NEGR1: variants seen among roughly 807,000 people sequenced by gnomAD.
The protein encoded by NEGR1 is neuronal growth regulator 1.
Under a neutral mutation model 40.9 loss-of-function variants are expected in NEGR1, and 10 were observed. That is an observed-to-expected ratio of 0.24 (90% CI 0.15 to 0.42). The LOEUF (loss-of-function observed/expected upper bound fraction) is 0.42. Ranked by LOEUF, NEGR1 falls within the 10% of genes least tolerant of loss-of-function variation. NEGR1 has a pLI of 1.00. For synonymous variants in NEGR1, 185 were observed against 166.8 expected, an observed-to-expected ratio of 1.11 and a Z score of -0.84; for missense variants, 352 against 438.9, an observed-to-expected ratio of 0.80 and a Z score of 1.77.
Position 71,403,329 on chromosome 1 carries a change from T to C in NEGR1, c.*4117A>G, listed in dbSNP as rs1007474326. 1.3e-5 allele frequency: 2 copies of C among 152,064 alleles called. No individual in the cohort carries two copies. The highest frequency in any genetic ancestry group is 3.8e-4 in the East Asian group (2 of 5,196). The allele number at this position is 152,064 out of a possible 1,614,324, so 9.4% of individuals were successfully genotyped here. On this transcript the variant is annotated 3_prime_UTR_variant, in exon 7 of 7. Transcript: ENST00000357731. ...GTTTTATACCCAGCTGTTAAGAAAT[T>C]ACACTCTGCCTGGCTCTTACAAGCG...
intron 6 of NEGR1, among the ~76,000 whole-genome samples, chr1:71,572,433 A>G (rs1648837482): frequency 6.6e-6 from 1 of 152,186 alleles, no homozygotes; most frequent in Admixed American, 6.5e-5. Flanking sequence ...ACACATACTT[A>G]TTTTCAGTAT....
intron 1 of NEGR1, among the ~76,000 whole-genome samples, chr1:72,116,907 A>G (rs1649602441): frequency 6.6e-6 from 1 of 151,736 alleles, no homozygotes; most frequent in African/African-American, 2.4e-5. Flanking sequence ...ATTAATTGAA[A>G]TGTTTTATTA....
intron 2 of NEGR1, among the ~76,000 whole-genome samples, chr1:71,929,343 A>C (rs1485693623): frequency 6.6e-6 from 1 of 152,194 alleles, no homozygotes; most frequent in Non-Finnish European, 1.5e-5. Context: ...CGGGTTATTA[A>C]GCCATTTTTA....
chr1:71,525,862 A>C (rs1466426376), intron 6 of NEGR1, among the ~76,000 whole-genome samples: 1 of 151,658 alleles, frequency 6.6e-6, no homozygotes, highest in Admixed American at 6.6e-5. Flanking sequence ...CAATCATTTG[A>C]TTTAACATAT....
intron 4 of NEGR1, among the ~76,000 whole-genome samples, chr1:71,621,135 T>TA: frequency 6.6e-6 from 1 of 152,032 alleles, no homozygotes; most frequent in South Asian, 2.1e-4. Flanking sequence ...AATGAATTTT[T>TA]AAAAATTCAT....
chr1:71,768,147 G>A (rs953918048), intron 3 of NEGR1, among the ~76,000 whole-genome samples: 1 of 152,116 alleles, frequency 6.6e-6, no homozygotes, highest in African/African-American at 2.4e-5. Context: ...GTCCCCACTG[G>A]GGCATTACTT....
intron 1 of NEGR1, among the ~76,000 whole-genome samples, chr1:72,063,780 G>T (rs191577153): frequency 1.1e-3 from 168 of 151,986 alleles, no homozygotes; most frequent in Non-Finnish European, 2.2e-3. Context: ...TTTTAATCAT[G>T]ACTATTAAGC....
rs1003463771 is a variant in NEGR1 at position 71,990,921 on chromosome 1, T to A, written c.177-55610A>T. 1.5e-3 allele frequency among the ~76,000 whole-genome samples: 225 copies of A among 151,156 alleles called. No homozygotes were observed. The East Asian group carries it at 0.016, about 11-fold the overall frequency. On this transcript the variant is annotated intron_variant, in intron 1 of 6. Coordinates refer to ENST00000357731, the MANE Select transcript of NEGR1 (RefSeq NM_173808.3). The stretch of plus-strand genomic sequence containing the variant: ...GCATATACATATATATATATATATT[T>A]TTTTTTTAATGACTAGAAGACATTC...
At chr1:71,680,499 A>G (rs1652803052) in intron 4 of NEGR1, among the ~76,000 whole-genome samples, 1 of 152,136 alleles carries the variant, frequency 6.6e-6, no homozygotes, top group Admixed American at 6.5e-5. Context: ...GATGCCACAG[A>G]TAAACATTAG....
At chr1:71,414,907 G>T (rs897346779) in intron 6 of NEGR1, among the ~76,000 whole-genome samples, 1 of 152,002 alleles carries the variant, frequency 6.6e-6, no homozygotes, top group Non-Finnish European at 1.5e-5. Context: ...CAGTGTGGTC[G>T]ACTAACAATT....
At chr1:72,006,446 C>A (rs1646607409) in intron 1 of NEGR1, among the ~76,000 whole-genome samples, 1 of 152,064 alleles carries the variant, frequency 6.6e-6, no homozygotes. Flanking sequence ...AATTATTTTC[C>A]TCTATAAGTG....
chr1:71,985,824 T>A (rs953189141), intron 1 of NEGR1, among the ~76,000 whole-genome samples: 1 of 152,188 alleles, frequency 6.6e-6, no homozygotes, highest in Non-Finnish European at 1.5e-5. Context: ...TTAATAGGCT[T>A]GTTTATTCAT....
chr1:72,125,028 A>C (rs563103377), intron 1 of NEGR1, among the ~76,000 whole-genome samples: 1 of 152,240 alleles, frequency 6.6e-6, no homozygotes, highest in African/African-American at 2.4e-5. Flanking sequence ...TTAGTTCTTA[A>C]GTCTTTTGTC....
At chr1:71,419,182 A>C (rs1360275957) in intron 6 of NEGR1, among the ~76,000 whole-genome samples, 1 of 152,096 alleles carries the variant, frequency 6.6e-6, no homozygotes, top group Non-Finnish European at 1.5e-5. Flanking sequence ...AGTGTTCCAA[A>C]ATTCCTTCCC....
chr1:72,111,112 G>GTA (rs1159781552), intron 1 of NEGR1, among the ~76,000 whole-genome samples: 61 of 135,276 alleles, frequency 4.5e-4, no homozygotes, highest in African/African-American at 1.4e-3. Context: ...ACACACACAC[G>GTA]TATATATATA....
chr1:72,012,143 C>A (rs1246802467), intron 1 of NEGR1, among the ~76,000 whole-genome samples: 2 of 152,040 alleles, frequency 1.3e-5, no homozygotes, highest in Non-Finnish European at 2.9e-5. Flanking sequence ...ATAAATATAA[C>A]ACAAGGTGAA....
chr1:71,819,926 G>T (rs1329257201), intron 2 of NEGR1, among the ~76,000 whole-genome samples: 1 of 152,094 alleles, frequency 6.6e-6, no homozygotes, highest in African/African-American at 2.4e-5. Context: ...CAATGACACG[G>T]CATCAGTAAA....
At chr1:72,216,730 A>G (rs115086733) in intron 1 of NEGR1, among the ~76,000 whole-genome samples, 3,405 of 151,316 alleles carry the variant, frequency 0.023, 142 homozygotes, top group African/African-American at 0.078. Context: ...TGAATAATAA[A>G]TTAATGTGAT....
chr1:72,168,573 C>T (rs142342762), intron 1 of NEGR1, among the ~76,000 whole-genome samples: 2 of 152,102 alleles, frequency 1.3e-5, no homozygotes, highest in African/African-American at 4.8e-5. Flanking sequence ...CATGTAATAG[C>T]CATGAAAGTA....
Sources: gnomAD v4.1 joint callset for allele counts (sites outside exome capture counted in the v4.1 genomes callset) on GRCh38, gnomAD v4.1.1 for gene constraint, MANE v1.5 for transcripts, NCBI Gene and HGNC (gene_info 2026-07-23, HGNC 2026-07-21) for gene names.